Variants in CSMD3 observed in about 807,000 individuals in gnomAD.
The protein encoded by CSMD3 is CUB and sushi domain-containing protein 3.
Under a neutral mutation model 435.2 loss-of-function variants are expected in CSMD3, and 177 were observed. That is an observed-to-expected ratio of 0.41 (90% CI 0.36 to 0.46). The LOEUF (loss-of-function observed/expected upper bound fraction) is 0.46, where lower values mean the gene tolerates loss of function less well. Among genes scored for constraint, CSMD3 ranks in the 20% least tolerant of loss-of-function variants. CSMD3 has a pLI of 0.34. For synonymous variants in CSMD3, 1,656 were observed against 1,520.5 expected, an observed-to-expected ratio of 1.09 and a Z score of -2.07; for missense variants, 4,265 against 4,504.6, an observed-to-expected ratio of 0.95 and a Z score of 1.52.
intron 16 of CSMD3, among the ~76,000 whole-genome samples, chr8:112,679,752 G>A (rs1314448561): frequency 1.3e-5 from 2 of 152,046 alleles, no homozygotes; most frequent in African/African-American, 2.4e-5. Flanking sequence ...AGGCAAACGA[G>A]GATCCAACAA....
chr8:112,727,959 G>A (rs1211789659), intron 13 of CSMD3, among the ~76,000 whole-genome samples: 1 of 151,824 alleles, frequency 6.6e-6, no homozygotes, highest in Non-Finnish European at 1.5e-5. Flanking sequence ...TTTCCAGACT[G>A]TAAACTCTTG....
chr8:112,726,740 C>T (rs932295759), intron 13 of CSMD3, among the ~76,000 whole-genome samples: 5 of 151,538 alleles, frequency 3.3e-5, no homozygotes, highest in African/African-American at 9.7e-5. Flanking sequence ...ATAACAACAA[C>T]GTAATGAAAG....
intron 3 of CSMD3, among the ~76,000 whole-genome samples, chr8:113,238,935 G>A (rs983444418): frequency 4.6e-5 from 7 of 152,002 alleles, no homozygotes; most frequent in Admixed American, 2.0e-4. Context: ...GTGTTCCTAC[G>A]GAAGTTATTG....
At chr8:112,954,094 G>T (rs2083922414) in intron 8 of CSMD3, among the ~76,000 whole-genome samples, 1 of 151,360 alleles carries the variant, frequency 6.6e-6, no homozygotes, top group Non-Finnish European at 1.5e-5. Context: ...TGAGATTTTG[G>T]GATGAACTTC....
At chr8:112,689,092 A>T (rs1182962829) in intron 14 of CSMD3, among the ~76,000 whole-genome samples, 4 of 152,106 alleles carry the variant, frequency 2.6e-5, no homozygotes, top group African/African-American at 9.6e-5. Flanking sequence ...TTCACCAAGT[A>T]ATCTTGGTTA....
At chr8:112,542,207 G>GA (rs34574338) in intron 27 of CSMD3, among the ~76,000 whole-genome samples, 43,378 of 141,734 alleles carry the variant, frequency 0.31, 6,452 homozygotes, top group East Asian at 0.47. Context: ...ATACTGTCTG[G>GA]AAAAAAAAAA....
intron 35 of CSMD3, among the ~76,000 whole-genome samples, chr8:112,397,374 CGGTATAA>C (rs1830940930): frequency 6.6e-6 from 1 of 152,060 alleles, no homozygotes. Context: ...ATTTTTAAAA[CGGTATAA>C]GGTAATATGT....
At chr8:112,880,058 T>C (rs573831691) in intron 10 of CSMD3, among the ~76,000 whole-genome samples, 50 of 152,084 alleles carry the variant, frequency 3.3e-4, no homozygotes, top group African/African-American at 1.1e-3. Flanking sequence ...ATCCCAGAAC[T>C]TAAAGTATAA....
chr8:112,508,862 C>T (rs1302257994), intron 28 of CSMD3, among the ~76,000 whole-genome samples: 2 of 152,024 alleles, frequency 1.3e-5, no homozygotes, highest in Non-Finnish European at 2.9e-5. Flanking sequence ...TCTTTCTGCA[C>T]CCCTGTGCTG....
chr8:112,367,202 C>G (rs1338201197), intron 38 of CSMD3, among the ~76,000 whole-genome samples: 4 of 152,034 alleles, frequency 2.6e-5, no homozygotes, highest in Non-Finnish European at 5.9e-5. Context: ...TCTTACTTTA[C>G]AAGTAGCACT....
At chr8:112,481,645 T>C (rs991256845) in intron 31 of CSMD3, among the ~76,000 whole-genome samples, 6 of 152,306 alleles carry the variant, frequency 3.9e-5, no homozygotes, top group African/African-American at 1.4e-4. Context: ...TATAGCCTGA[T>C]TGAATGTCAC....
intron 54 of CSMD3, among the ~76,000 whole-genome samples, chr8:112,294,833 G>A (rs1412297076): frequency 6.6e-6 from 1 of 152,044 alleles, no homozygotes; most frequent in Non-Finnish European, 1.5e-5. Flanking sequence ...CATATGTTTT[G>A]TATGAATTTT....
At chr8:113,093,523 A>G (rs1218169596) in intron 5 of CSMD3, among the ~76,000 whole-genome samples, 1 of 152,124 alleles carries the variant, frequency 6.6e-6, no homozygotes, top group Non-Finnish European at 1.5e-5. Context: ...GTTATTGCTC[A>G]TTTTGTAAAA....
intron 22 of CSMD3, among the ~76,000 whole-genome samples, chr8:112,624,823 C>T (rs1281400134): frequency 6.6e-6 from 1 of 151,932 alleles, no homozygotes; most frequent in Non-Finnish European, 1.5e-5. Context: ...ATATGATTTC[C>T]ATATCTAGGG....
chr8:112,687,196 C>T (rs566092969), intron 14 of CSMD3, among the ~76,000 whole-genome samples: 11 of 151,918 alleles, frequency 7.2e-5, no homozygotes, highest in African/African-American at 2.2e-4. Flanking sequence ...ATACAACACC[C>T]GTAACAGTAT....
intron 3 of CSMD3, among the ~76,000 whole-genome samples, chr8:113,234,596 T>TTATAACA (rs1226708403): frequency 6.6e-6 from 1 of 152,174 alleles, no homozygotes; most frequent in Admixed American, 6.6e-5. Context: ...ATTCTACCAC[T>TTATAACA]TATAACAACC....
At chr8:112,228,981 A>C in intron 69 of CSMD3, 90 bp from the exon 70 acceptor site, 13 of 748,254 alleles carry the variant, frequency 1.7e-5, no homozygotes, top group Non-Finnish European at 2.0e-5. Context: ...TTCTATTCTC[A>C]AGATATCTAC....
At chr8:112,394,621 C>T (rs533751915) in intron 35 of CSMD3, among the ~76,000 whole-genome samples, 2 of 152,212 alleles carry the variant, frequency 1.3e-5, no homozygotes, top group South Asian at 4.1e-4. Context: ...CACTTGCTCA[C>T]CAACAAGAAA....
intron 3 of CSMD3, among the ~76,000 whole-genome samples, chr8:113,208,905 G>A (rs2092801491): frequency 6.6e-6 from 1 of 152,044 alleles, no homozygotes. Flanking sequence ...AAATATCAAT[G>A]AGAGCAAAAT....
Sources: gnomAD v4.1 joint callset for allele counts (sites outside exome capture counted in the v4.1 genomes callset) on GRCh38, gnomAD v4.1.1 for gene constraint, MANE v1.5 for transcripts, NCBI Gene and HGNC (gene_info 2026-07-23, HGNC 2026-07-21) for gene names.